The following PPP1R2 variants were observed in gnomAD, a reference collection of about 807,000 sequenced individuals.
PPP1R2 encodes protein phosphatase 1 regulatory inhibitor subunit 2, also known as protein phosphatase inhibitor 2.
PPP1R2 carries 16 observed loss-of-function variants against 29.9 expected under a neutral mutation model. That is an observed-to-expected ratio of 0.53 (90% CI 0.36 to 0.81). PPP1R2 has a LOEUF of 0.81. Among genes scored for constraint, PPP1R2 ranks in the 30% least tolerant of loss-of-function variants. The pLI is 0.00. For synonymous variants in PPP1R2, 76 were observed against 91.5 expected (o/e 0.83, Z 0.96); for missense variants, 197 against 252.7 (o/e 0.78, Z 1.49).
chr3:195,534,317 G>C (rs1337810272), intron 1 of PPP1R2, among the ~76,000 whole-genome samples: 2 of 152,134 alleles, frequency 1.3e-5, no homozygotes, highest in Non-Finnish European at 2.9e-5. Context: ...GGCAAAGTGA[G>C]ACTGTCCAGA....
intron 1 of PPP1R2, among the ~76,000 whole-genome samples, chr3:195,541,587 ACG>A (rs1719601886): frequency 6.6e-6 from 1 of 150,540 alleles, no homozygotes; most frequent in Non-Finnish European, 1.5e-5. Flanking sequence ...GTGAGCCACC[ACG>A]CCTGGATGTT....
intron 2 of PPP1R2, chr3:195,527,771 G>A (rs1719025688): frequency 5.4e-6 from 1 of 186,748 alleles, no homozygotes; most frequent in Admixed American, 5.8e-5. Flanking sequence ...GGAGGCGGAG[G>A]AGGGAGGATC....
intron 4 of PPP1R2, chr3:195,519,643 C>A (rs1242018838): frequency 9.9e-5 from 15 of 151,994 alleles, no homozygotes; most frequent in Non-Finnish European, 2.2e-4. Context: ...TTATTATTTT[C>A]TATTTTTATA....
intron 1 of PPP1R2, 28 bp downstream of exon 1, chr3:195,542,876 C>A (rs1308512376): frequency 6.3e-7 from 1 of 1,584,942 alleles, no homozygotes; most frequent in East Asian, 2.3e-5. Context: ...GAAGGAGGGG[C>A]TCCCAGGCCG....
chr3:195,518,885 A>G, intron 5 of PPP1R2, 133 bp downstream of exon 5: 1 of 1,373,718 alleles, frequency 7.3e-7, no homozygotes, highest in Non-Finnish European at 9.8e-7. Flanking sequence ...TTAAAACTTT[A>G]GAAACATTTG....
chr3:195,541,203 G>A (rs1348413184), intron 1 of PPP1R2, among the ~76,000 whole-genome samples: 1 of 152,154 alleles, frequency 6.6e-6, no homozygotes, highest in African/African-American at 2.4e-5. Flanking sequence ...ATTACAGAAA[G>A]AAAGAGGCCA....
At chr3:195,536,084 T>G (rs1719370381) in intron 1 of PPP1R2, among the ~76,000 whole-genome samples, 1 of 152,206 alleles carries the variant, frequency 6.6e-6, no homozygotes, top group Non-Finnish European at 1.5e-5. Context: ...AACATAATAC[T>G]TGTAACATAC....
chr3:195,535,907 C>T (rs1490595631), intron 1 of PPP1R2, among the ~76,000 whole-genome samples: 1 of 152,186 alleles, frequency 6.6e-6, no homozygotes, highest in East Asian at 1.9e-4. Context: ...AGTGAGCCTG[C>T]CTCTCCTTCT....
intron 1 of PPP1R2, among the ~76,000 whole-genome samples, chr3:195,537,521 T>TGTGTGTGTGTGTGTGTGTG (rs1719442059): frequency 3.0e-5 from 1 of 33,044 alleles, no homozygotes; most frequent in Non-Finnish European, 6.4e-5. Flanking sequence ...GTGTGTGTGT[T>TGTGTGTGTGTGTGTGTGTG]TCCATTTCAG....
At chr3:195,532,073 C>T (rs546371422) in intron 1 of PPP1R2, among the ~76,000 whole-genome samples, 1 of 152,220 alleles carries the variant, frequency 6.6e-6, no homozygotes, top group East Asian at 1.9e-4. Flanking sequence ...TCTGTCACCC[C>T]AGGCTAGAGT....
chr3:195,536,777 A>C (rs1343761525), intron 1 of PPP1R2, among the ~76,000 whole-genome samples: 2 of 142,876 alleles, frequency 1.4e-5, no homozygotes, highest in African/African-American at 2.7e-5. Context: ...GACAAGAGCG[A>C]AACTCCGTCT....
rs372687925 is a variant in PPP1R2, at chr3:195,516,892, T to C, written c.*4A>G. 3.5e-5 allele frequency: 57 copies of C among 1,610,616 alleles called. No homozygotes were observed. The highest frequency in any genetic ancestry group is 4.8e-5 in the Non-Finnish European group (56 of 1,177,210). On this transcript the variant is annotated 3_prime_UTR_variant, in exon 6 of 6. Transcript: ENST00000618156. ...AAACAATTGCAGTGTTGAACAAATC[T>C]CGTCTATGAACTTCGTAATTTGTTT...
chr3:195,527,257 T>C (rs1248040642), intron 2 of PPP1R2, among the ~76,000 whole-genome samples: 1 of 151,200 alleles, frequency 6.6e-6, no homozygotes, highest in African/African-American at 2.4e-5. Flanking sequence ...TGAGATCAGC[T>C]TGGCCAACAC....
rs184563240 is a variant in PPP1R2 at position 195,520,548 on chromosome 3, A to G, written c.404-1363T>C. ...GACTGGCTAAGCTTAGAAGGCTGAA[A>G]CTGCAGTGAGCCGCGACTATGCCAC... On this transcript the variant is annotated intron_variant, in intron 4 of 5. Transcript: ENST00000618156. Among the ~76,000 whole-genome samples the G allele has an allele frequency of 2.5e-3, 384 of 152,234 alleles. 3 individuals are homozygous for G. The highest frequency in any genetic ancestry group is 9.0e-3 in the African/African-American group (372 of 41,540).
chr3:195,523,297 T>C (rs1053645592), intron 4 of PPP1R2: 10 of 204,452 alleles, frequency 4.9e-5, no homozygotes, highest in African/African-American at 2.1e-4. Flanking sequence ...ATTTGTTAAG[T>C]TGCATCACTG....
intron 1 of PPP1R2, among the ~76,000 whole-genome samples, chr3:195,532,218 T>TTTCTTTTC (rs796770330): frequency 6.9e-6 from 1 of 145,506 alleles, no homozygotes; most frequent in African/African-American, 2.5e-5. Context: ...TCTTTTTCTT[T>TTTCTTTTC]TTTTTTTTTT....
At position 195,524,844 on chromosome 3, in the gene PPP1R2, T is replaced by C. The variant is rs779600058; in HGVS notation, c.283A>G (p.Met95Val). 3.7e-6 allele frequency: 6 copies of C among 1,614,058 alleles called. 1 individual carries two copies. Among genetic ancestry groups the C allele is most frequent in the Non-Finnish European group, 5.1e-6 (6 of 1,180,026 alleles). ...ACSDTEATEA[M>V]APDILARKLA... is the part of the protein sequence containing the mutation. Reference sequence around the variant, plus strand: ...TTCCTGGCTAAGATGTCTGGCGCCATGGCTTCAGTGGCCTCGGTGTCACTA... The same window carrying C: ...TTCCTGGCTAAGATGTCTGGCGCCACGGCTTCAGTGGCCTCGGTGTCACTA... The change falls in exon 3 of 6, where the codon ATG (methionine) becomes GTG (valine). Residue 95 changes from methionine to valine, a missense_variant. Transcript: ENST00000618156.
At chr3:195,538,539 C>G (rs1301434299) in intron 1 of PPP1R2, among the ~76,000 whole-genome samples, 1 of 152,110 alleles carries the variant, frequency 6.6e-6, no homozygotes, top group African/African-American at 2.4e-5. Context: ...TTATTTTACT[C>G]AGTAAACCTC....
At chr3:195,540,595 G>T (rs1490789084) in intron 1 of PPP1R2, among the ~76,000 whole-genome samples, 1 of 152,122 alleles carries the variant, frequency 6.6e-6, no homozygotes, top group Non-Finnish European at 1.5e-5. Flanking sequence ...AAGGTGACTG[G>T]GTCATGAGGG....
Sources: allele counts gnomAD v4.1 joint callset (sites outside exome capture counted in the v4.1 genomes callset), GRCh38; gene constraint gnomAD v4.1.1; transcripts MANE v1.5; gene names NCBI Gene and HGNC (gene_info 2026-07-23, HGNC 2026-07-21).